The following MPPED1 variants were observed in gnomAD, a reference collection of about 807,000 sequenced individuals.
MPPED1 encodes the protein metallophosphoesterase domain-containing protein 1.
In MPPED1, 16 loss-of-function variants were observed where a neutral mutation model predicts 36.2. The ratio of observed to expected loss-of-function variants is 0.44; its 90% confidence interval spans 0.30 to 0.67. MPPED1 has a LOEUF of 0.67. Ranked by LOEUF, MPPED1 falls within the 30% of genes least tolerant of loss-of-function variation. The pLI is 0.10. For missense variants in MPPED1, 307 were observed against 453.4 expected (o/e 0.68, Z 2.93); for synonymous variants, 199 against 191.3 (o/e 1.04, Z -0.33).
intron 3 of MPPED1, among the ~76,000 whole-genome samples, chr22:43,440,554 A>G (rs150962050): frequency 3.1e-4 from 47 of 152,294 alleles, no homozygotes; most frequent in Middle Eastern, 3.4e-3. Flanking sequence ...TTCTGCTGCC[A>G]TCTCTGAGTG....
At chr22:43,441,219 T>C (rs1031750829) in intron 3 of MPPED1, among the ~76,000 whole-genome samples, 1 of 152,234 alleles carries the variant, frequency 6.6e-6, no homozygotes, top group Non-Finnish European at 1.5e-5. Context: ...GATGAAGCAC[T>C]TCACTATGGC....
chr22:43,423,080 G>T (rs530216756), intron 1 of MPPED1, among the ~76,000 whole-genome samples: 14 of 152,202 alleles, frequency 9.2e-5, no homozygotes, highest in Admixed American at 2.6e-4. Context: ...CAGGTGATCC[G>T]CCCGTCTCAG....
chr22:43,472,908 C>A (rs554525065), intron 3 of MPPED1, among the ~76,000 whole-genome samples: 2 of 152,186 alleles, frequency 1.3e-5, no homozygotes, highest in African/African-American at 2.4e-5. Flanking sequence ...AGTTATAGGA[C>A]ATGTACTGCT....
chr22:43,504,433 C>A (rs117290465), intron 6 of MPPED1, among the ~76,000 whole-genome samples: 1 of 151,448 alleles, frequency 6.6e-6, no homozygotes, highest in Non-Finnish European at 1.5e-5. Flanking sequence ...GTAGTGATGA[C>A]GATCATGGTG....
At chr22:43,447,858 A>ATT (rs1326491738) in intron 3 of MPPED1, among the ~76,000 whole-genome samples, 2,819 of 39,442 alleles carry the variant, frequency 0.071, 96 homozygotes, top group Non-Finnish European at 0.099. Context: ...ATATGTAAAT[A>ATT]TTATATATAT....
intron 4 of MPPED1, among the ~76,000 whole-genome samples, chr22:43,493,623 G>A (rs1932169814): frequency 6.6e-6 from 1 of 152,200 alleles, no homozygotes; most frequent in African/African-American, 2.4e-5. Flanking sequence ...TGTAAAAGGG[G>A]AATAATGCTA....
chr22:43,462,060 C>T (rs182096092), intron 3 of MPPED1, among the ~76,000 whole-genome samples: 6 of 152,136 alleles, frequency 3.9e-5, no homozygotes, highest in East Asian at 3.9e-4. Context: ...TCCCAGCACT[C>T]GGACCCTCAG....
intron 3 of MPPED1, among the ~76,000 whole-genome samples, chr22:43,440,394 G>T (rs1294048192): frequency 1.3e-5 from 2 of 152,070 alleles, no homozygotes; most frequent in African/African-American, 4.8e-5. Flanking sequence ...TAGCATGCAG[G>T]CCCCCCTGGA....
intron 3 of MPPED1, among the ~76,000 whole-genome samples, chr22:43,440,251 G>A (rs966552834): frequency 6.6e-6 from 1 of 152,256 alleles, no homozygotes; most frequent in Non-Finnish European, 1.5e-5. Flanking sequence ...ACAGACCAGT[G>A]TGAGCCATCG....
intron 3 of MPPED1, among the ~76,000 whole-genome samples, chr22:43,465,864 T>G (rs968544718): frequency 2.0e-5 from 3 of 152,160 alleles, no homozygotes; most frequent in African/African-American, 4.8e-5. Flanking sequence ...ATCAGAGCAC[T>G]GCAGGGAGTG....
chr22:43,481,265 A>AC (rs1318018147), intron 4 of MPPED1, among the ~76,000 whole-genome samples: 1 of 152,132 alleles, frequency 6.6e-6, no homozygotes, highest in Admixed American at 6.5e-5. Context: ...CTGGCCTAGC[A>AC]CCATGTGTAG....
intron 4 of MPPED1, among the ~76,000 whole-genome samples, chr22:43,485,930 C>T (rs925695222): frequency 1.3e-5 from 2 of 152,250 alleles, no homozygotes; most frequent in African/African-American, 4.8e-5. Flanking sequence ...TGCCCTGTCC[C>T]CTCTCGGGCA....
Position 43,474,887 on chromosome 22 carries a change from G to T in MPPED1, c.558G>T (p.Ser186=), listed in dbSNP as rs558450541. Residue 186 remains serine, a synonymous_variant, in exon 4 of 7, where the codon TCG becomes TCT. Transcript: ENST00000443721. The surrounding 1 kb of genome is among the most constrained non-coding windows in gnomAD (Gnocchi z 5.2). ...LKPENYENVQ[S]LLTNCIYLQD... is the part of the protein sequence containing the mutation. ...CGGAGAACTATGAGAATGTGCAGTC[G>T]CTGCTGACCAACTGCATCTACCTTC... 1.4e-5 allele frequency: 22 copies of T among 1,614,012 alleles called. No individual in the cohort carries two copies. The highest frequency in any genetic ancestry group is 1.9e-5 in the Non-Finnish European group (22 of 1,179,894).
intron 3 of MPPED1, among the ~76,000 whole-genome samples, chr22:43,435,514 T>C (rs1411117664): frequency 6.6e-6 from 1 of 152,156 alleles, no homozygotes; most frequent in Non-Finnish European, 1.5e-5. Context: ...CTTTGTCCAT[T>C]TATGTGTCCA....
chr22:43,491,689 A>AGGT (rs994783266), intron 4 of MPPED1, among the ~76,000 whole-genome samples: 1 of 70,552 alleles, frequency 1.4e-5, no homozygotes, highest in African/African-American at 6.4e-5. Flanking sequence ...GTGGTTATGG[A>AGGT]GGTGGTGGTG....
chr22:43,500,331 G>GTGATGGAGGTGGTGATGGTGGTGA (rs1932675367), intron 5 of MPPED1, among the ~76,000 whole-genome samples: 1 of 117,302 alleles, frequency 8.5e-6, no homozygotes, highest in Non-Finnish European at 1.9e-5. Context: ...GATGGTGGTG[G>GTGATGGAGGTGGTGATGGTGGTGA]TGGAGGTGGT....
At chr22:43,457,432 T>A (rs1416624150) in intron 3 of MPPED1, among the ~76,000 whole-genome samples, 1 of 152,180 alleles carries the variant, frequency 6.6e-6, no homozygotes, top group Non-Finnish European at 1.5e-5. Flanking sequence ...AAACAGCATA[T>A]AATTGGATTT....
At chr22:43,476,525 A>T (rs974601969) in intron 4 of MPPED1, among the ~76,000 whole-genome samples, 15 of 152,170 alleles carry the variant, frequency 9.9e-5, no homozygotes, top group African/African-American at 3.6e-4. Context: ...AGCACAGAGC[A>T]TCTGGGAAAC....
At chr22:43,452,876 T>C (rs1380340772) in intron 3 of MPPED1, among the ~76,000 whole-genome samples, 1 of 152,008 alleles carries the variant, frequency 6.6e-6, no homozygotes, top group Admixed American at 6.6e-5. Flanking sequence ...CAGTCCTCCT[T>C]TGACCTCCCC....
Sources: allele counts gnomAD v4.1 joint callset (sites outside exome capture counted in the v4.1 genomes callset), GRCh38; gene constraint gnomAD v4.1.1; non-coding constraint Gnocchi (gnomAD v3.1); transcripts MANE v1.5; gene names NCBI Gene and HGNC (gene_info 2026-07-23, HGNC 2026-07-21).